ACKR2: variants seen among roughly 807,000 people sequenced by gnomAD.
The protein encoded by ACKR2 is atypical chemokine receptor 2, also known as C-C chemokine receptor D6.
For synonymous variants in ACKR2, 207 were observed against 192.2 expected, an observed-to-expected ratio of 1.08 and a Z score of -0.64; for missense variants, 457 against 477.3, an observed-to-expected ratio of 0.96 and a Z score of 0.40.
At chr3:42,832,145 C>T (rs1325382473) in intron 2 of ACKR2, among the ~76,000 whole-genome samples, 1 of 152,142 alleles carries the variant, frequency 6.6e-6, no homozygotes, top group Non-Finnish European at 1.5e-5. Flanking sequence ...CAGCCTAATA[C>T]CAGAAAGCCT....
intron 2 of ACKR2, among the ~76,000 whole-genome samples, chr3:42,832,630 A>G (rs1700942299): frequency 6.6e-6 from 1 of 152,230 alleles, no homozygotes; most frequent in African/African-American, 2.4e-5. Context: ...AACGCACAGC[A>G]ATGAAATACT....
rs376019929 is a variant in ACKR2 at position 42,864,649 on chromosome 3, C to G, written c.147C>G (p.Leu49=). The G allele has an allele frequency of 2.5e-5, 41 of 1,614,118 alleles. No individual in the cohort carries two copies. The highest frequency in any genetic ancestry group is 8.0e-5 in the African/African-American group (6 of 74,940). The change falls in exon 3 of 3, where the codon CTC becomes CTG. Residue 49 remains leucine, a synonymous_variant. Coordinates refer to ENST00000422265, the MANE Select transcript of ACKR2 (RefSeq NM_001296.5). The stretch of plus-strand genomic sequence containing the variant: ...TGGTGTCCTTTGGCAAAGTCTTCCT[C>G]CCAGTCTTCTATAGCCTGATTTTTG... ...DAVVSFGKVF[L]PVFYSLIFVL...
chr3:42,860,023 A>G (rs913357229), intron 2 of ACKR2, among the ~76,000 whole-genome samples: 2 of 151,976 alleles, frequency 1.3e-5, no homozygotes, highest in Admixed American at 6.6e-5. Context: ...AAATGCCCCA[A>G]TTAAAAGACA....
chr3:42,817,744 T>G (rs1700767400), intron 1 of ACKR2, among the ~76,000 whole-genome samples: 1 of 152,190 alleles, frequency 6.6e-6, no homozygotes. Context: ...CCCACTGGTT[T>G]CCATTCTTGT....
At chr3:42,841,046 G>A (rs2125613564) in intron 2 of ACKR2, among the ~76,000 whole-genome samples, 1 of 152,246 alleles carries the variant, frequency 6.6e-6, no homozygotes, top group South Asian at 2.1e-4. Flanking sequence ...GCAGTCTGGT[G>A]AAGCCTATGG....
intron 2 of ACKR2, among the ~76,000 whole-genome samples, chr3:42,821,943 G>A (rs898808362): frequency 6.6e-6 from 1 of 151,942 alleles, no homozygotes; most frequent in East Asian, 1.9e-4. Flanking sequence ...TGATCCGCCC[G>A]CCTCGGCCTC....
At chr3:42,812,037 G>T (rs759381427) in intron 1 of ACKR2, among the ~76,000 whole-genome samples, 4 of 152,156 alleles carry the variant, frequency 2.6e-5, no homozygotes, top group Non-Finnish European at 5.9e-5. Flanking sequence ...CAGAGACCGG[G>T]GCCTGTGCAG....
At chr3:42,861,930 G>A (rs2088389053) in intron 2 of ACKR2, among the ~76,000 whole-genome samples, 1 of 152,212 alleles carries the variant, frequency 6.6e-6, no homozygotes, top group Admixed American at 6.5e-5. Context: ...GAATCTGGAA[G>A]CATTCCCTTT....
chr3:42,859,525 C>A (rs1257656170), intron 2 of ACKR2, among the ~76,000 whole-genome samples: 2 of 152,066 alleles, frequency 1.3e-5, no homozygotes, highest in African/African-American at 4.8e-5. Context: ...ACTAGAGGCG[C>A]CCGCCACCAT....
chr3:42,813,133 C>T (rs2125601244), intron 1 of ACKR2, among the ~76,000 whole-genome samples: 1 of 152,142 alleles, frequency 6.6e-6, no homozygotes, highest in Non-Finnish European at 1.5e-5. Context: ...GCATTAGGGC[C>T]TTTGGGACAA....
At chr3:42,843,529 A>C (rs939002363) in intron 2 of ACKR2, among the ~76,000 whole-genome samples, 3 of 152,180 alleles carry the variant, frequency 2.0e-5, no homozygotes, top group African/African-American at 7.2e-5. Flanking sequence ...GGATACAGAC[A>C]AAAATAACTG....
At chr3:42,836,105 G>A (rs1460230584) in intron 2 of ACKR2, 1 of 152,012 alleles carries the variant, frequency 6.6e-6, no homozygotes, top group Admixed American at 6.6e-5. Flanking sequence ...TTCCTCCCCA[G>A]AAAAATCTCA....
chr3:42,813,575 A>G (rs1251989922), intron 1 of ACKR2, among the ~76,000 whole-genome samples: 1 of 152,206 alleles, frequency 6.6e-6, no homozygotes, highest in Non-Finnish European at 1.5e-5. Flanking sequence ...GAGAACTACT[A>G]TAAGAGAACA....
chr3:42,835,596 C>T (rs1024175090), intron 2 of ACKR2: 8 of 152,284 alleles, frequency 5.3e-5, no homozygotes, highest in Middle Eastern at 3.4e-3. Flanking sequence ...GATTCTTGAA[C>T]AACCATCAAT....
In ACKR2 at chr3:42,864,805, C is replaced by G. The variant is rs771815068; in HGVS notation, c.303C>G (p.Phe101Leu). Residue 101 changes from phenylalanine (F) to leucine (L), a missense_variant, in exon 3 of 3, where the codon TTC becomes TTG. Phe to Leu is a conservative substitution (Grantham distance 22). Coordinates refer to ENST00000422265, the MANE Select transcript of ACKR2 (RefSeq NM_001296.5). ...TTCTGTTTCTGGTGACACTGCCCTT[C>G]TGGGGCATCTCCGTGGCCTGGCATT... ...SNLLFLVTLP[F>L]WGISVAWHWV... The G allele has an allele frequency of 1.2e-6, 2 of 1,614,224 alleles. No homozygotes were observed. The highest frequency in any genetic ancestry group is 1.7e-6 in the Non-Finnish European group (2 of 1,180,028).
chr3:42,861,852 G>A (rs1412133473), intron 2 of ACKR2, among the ~76,000 whole-genome samples: 1 of 152,136 alleles, frequency 6.6e-6, no homozygotes, highest in African/African-American at 2.4e-5. Flanking sequence ...AGGTACTGAT[G>A]GAACATATCT....
intron 1 of ACKR2, among the ~76,000 whole-genome samples, chr3:42,814,273 C>T (rs4683335): frequency 0.26 from 39,131 of 152,014 alleles, 6,144 homozygotes; most frequent in East Asian, 0.71. Context: ...TCGTATTGGG[C>T]GTCATTTTGA....
chr3:42,864,630 C>G lies in ACKR2; in HGVS notation c.128C>G (p.Ser43Cys). The change falls in exon 3 of 3, where the codon TCC becomes TGC. Residue 43 changes from serine (S) to cysteine (C), a missense_variant. Ser to Cys is a moderately radical substitution (Grantham distance 112). Coordinates refer to ENST00000422265, the MANE Select transcript of ACKR2 (RefSeq NM_001296.5). ...CTCTGCAGGAAGGATGCAGTGGTGT[C>G]CTTTGGCAAAGTCTTCCTCCCAGTC... ...FMLCRKDAVVSFGKVFLPVFY... is the reference protein window; with the variant it reads ...FMLCRKDAVVCFGKVFLPVFY... 6.2e-7 allele frequency: 1 copy of G among 1,614,162 alleles called. No homozygotes were observed. Among genetic ancestry groups the G allele is most frequent in the Non-Finnish European group, 8.5e-7 (1 of 1,180,036 alleles).
intron 2 of ACKR2, chr3:42,851,270 G>A (rs960332463): frequency 1.3e-6 from 1 of 787,812 alleles, no homozygotes. Flanking sequence ...GCTGGGGCAA[G>A]GGCAAAGGGA....
Sources: gnomAD v4.1 joint callset for allele counts (sites outside exome capture counted in the v4.1 genomes callset) on GRCh38, gnomAD v4.1.1 for gene constraint, MANE v1.5 for transcripts, NCBI Gene and HGNC (gene_info 2026-07-23, HGNC 2026-07-21) for gene names.